The following SPATA13 variants were observed in gnomAD, a reference collection of about 807,000 sequenced individuals.
SPATA13 encodes the protein spermatogenesis associated 13.
Under a neutral mutation model 104.0 loss-of-function variants are expected in SPATA13, and 50 were observed. The ratio of observed to expected loss-of-function variants is 0.48; its 90% CI spans 0.38 to 0.61. SPATA13 has a LOEUF of 0.61. Among genes scored for constraint, SPATA13 ranks in the 20% least tolerant of loss-of-function variants. SPATA13 has a pLI of 0.00. For missense variants in SPATA13, 1,524 were observed against 1,690.6 expected (o/e 0.90, Z 1.73); for synonymous variants, 606 against 667.5 (o/e 0.91, Z 1.42).
chr13:24,043,228 G>A (rs1411192498), intron 3 of SPATA13, among the ~76,000 whole-genome samples: 3 of 152,174 alleles, frequency 2.0e-5, no homozygotes, highest in Non-Finnish European at 2.9e-5. Flanking sequence ...TTGGACATGC[G>A]TCTTGGCTAT....
chr13:24,119,109 A>G (rs1880952510), intron 3 of SPATA13, among the ~76,000 whole-genome samples: 2 of 151,942 alleles, frequency 1.3e-5, no homozygotes, highest in Admixed American at 6.6e-5. Context: ...AGGTTTTACC[A>G]TGTTAGCCAG....
At chr13:24,028,905 C>T (rs1045430878) in intron 3 of SPATA13, among the ~76,000 whole-genome samples, 2 of 151,890 alleles carry the variant, frequency 1.3e-5, no homozygotes, top group Non-Finnish European at 2.9e-5. Context: ...GCTTCAATTT[C>T]CCCTGTTTTT....
intron 3 of SPATA13, among the ~76,000 whole-genome samples, chr13:24,131,605 G>A (rs1881390993): frequency 6.6e-6 from 1 of 152,172 alleles, no homozygotes; most frequent in South Asian, 2.1e-4. Flanking sequence ...GAGAACAACA[G>A]AACCATGTAC....
chr13:24,264,075 T>A (rs1043378187), intron 4 of SPATA13, among the ~76,000 whole-genome samples: 1 of 152,242 alleles, frequency 6.6e-6, no homozygotes, highest in Non-Finnish European at 1.5e-5. Flanking sequence ...TTGTTGCCTA[T>A]CATCGAGATT....
chr13:24,212,793 C>T (rs2138591699), intron 1 of SPATA13, among the ~76,000 whole-genome samples: 1 of 152,360 alleles, frequency 6.6e-6, no homozygotes, highest in African/African-American at 2.4e-5. Context: ...GGCTCAGCCT[C>T]CTGAATCTTG....
intron 1 of SPATA13, among the ~76,000 whole-genome samples, chr13:24,202,747 A>G (rs1162462900): frequency 6.6e-6 from 1 of 151,870 alleles, no homozygotes; most frequent in Non-Finnish European, 1.5e-5. Context: ...TTTTGCATTT[A>G]TTATTTGAGA....
chr13:24,217,431 C>G (rs1871316238), intron 1 of SPATA13, among the ~76,000 whole-genome samples: 1 of 152,138 alleles, frequency 6.6e-6, no homozygotes, highest in Admixed American at 6.5e-5. Flanking sequence ...GGTATCAGAC[C>G]TGAGATGTGC....
At chr13:23,985,736 A>C (rs908640385) in intron 2 of SPATA13, among the ~76,000 whole-genome samples, 1 of 152,190 alleles carries the variant, frequency 6.6e-6, no homozygotes, top group African/African-American at 2.4e-5. Context: ...AGACTGCCTG[A>C]GTGTTCATTT....
At chr13:24,252,443 G>T (rs935704853) in intron 4 of SPATA13, among the ~76,000 whole-genome samples, 26 of 152,176 alleles carry the variant, frequency 1.7e-4, no homozygotes, top group African/African-American at 6.0e-4. Context: ...TCACACTCAT[G>T]GGTACTGGGG....
chr13:24,071,497 G>A (rs1423255799), intron 3 of SPATA13, among the ~76,000 whole-genome samples: 2 of 152,142 alleles, frequency 1.3e-5, no homozygotes, highest in Non-Finnish European at 1.5e-5. Context: ...GAAGGCCAAG[G>A]CTTAGAAATA....
intron 2 of SPATA13, among the ~76,000 whole-genome samples, chr13:24,237,235 T>A (rs1031655856): frequency 2.0e-5 from 3 of 152,078 alleles, no homozygotes; most frequent in African/African-American, 7.2e-5. Context: ...TGGGTGCCTG[T>A]AGTCCCAGCT....
intron 2 of SPATA13, among the ~76,000 whole-genome samples, chr13:24,245,535 T>C (rs1331220029): frequency 6.6e-6 from 1 of 151,668 alleles, no homozygotes; most frequent in Non-Finnish European, 1.5e-5. Flanking sequence ...TCTCCTTTTA[T>C]ATCTTCATTG....
chr13:24,029,952 A>T (rs1164616574), intron 3 of SPATA13, among the ~76,000 whole-genome samples: 1 of 152,084 alleles, frequency 6.6e-6, no homozygotes, highest in African/African-American at 2.4e-5. Flanking sequence ...AAAGGACATG[A>T]TCTAATTCTT....
intron 2 of SPATA13, among the ~76,000 whole-genome samples, chr13:24,236,863 T>C (rs985520684): frequency 1.2e-4 from 18 of 152,188 alleles, no homozygotes; most frequent in Admixed American, 9.8e-4. Flanking sequence ...ATAGAATTAC[T>C]GTATGATCCA....
Position 24,072,654 on chromosome 13 carries a change from C to T in SPATA13, c.-112+54953C>T, listed in dbSNP as rs566572687. Among the ~76,000 whole-genome samples, 4 of 152,226 alleles carry T rather than the reference C, an allele frequency of 2.6e-5. No individual in the cohort carries two copies. The East Asian group carries it at 7.7e-4, about 29-fold the overall frequency. On this transcript the variant is annotated intron_variant, in intron 3 of 14. Transcript: ENST00000424834. Reference sequence around the variant, plus strand: ...TGCCTTCTGGATTTCATTGAATCTGCCTTCTGGGCCATCACCAGTGACCTG... The same window carrying T: ...TGCCTTCTGGATTTCATTGAATCTGTCTTCTGGGCCATCACCAGTGACCTG...
At chr13:24,181,298 AT>A (rs1264209458) in intron 1 of SPATA13, among the ~76,000 whole-genome samples, 1 of 152,088 alleles carries the variant, frequency 6.6e-6, no homozygotes, top group Non-Finnish European at 1.5e-5. Context: ...CTCTAAATTT[AT>A]TGAAACTTTT....
At chr13:24,082,051 A>G (rs1238810602) in intron 3 of SPATA13, among the ~76,000 whole-genome samples, 1 of 152,188 alleles carries the variant, frequency 6.6e-6, no homozygotes, top group Non-Finnish European at 1.5e-5. Flanking sequence ...GCAGACTTAT[A>G]CTTCATTTTA....
chr13:24,143,867 A>G (rs1881843958), intron 3 of SPATA13, among the ~76,000 whole-genome samples: 6 of 152,214 alleles, frequency 3.9e-5, no homozygotes, highest in Admixed American at 1.3e-4. Context: ...CTCTGGCCAG[A>G]TGACCTTAGC....
Position 24,161,016 on chromosome 13 carries a change from A to T in SPATA13, c.-112+84A>T. ...AGAATATCGGGAGGATTTGAGTCCC[A>T]GTGGACTGCCTCGGGGCTTCGGGAT... On this transcript the variant is annotated intron_variant, in intron 1 of 12. Coordinates refer to ENST00000382108, the MANE Select transcript of SPATA13 (RefSeq NM_001166271.3). This position sits in a 1 kb window ranked among gnomAD's most constrained non-coding sequence, Gnocchi z 4.5. The T allele has an allele frequency of 1.2e-6, 1 of 828,230 alleles. No individual in the cohort carries two copies. The allele number at this position is 828,230 out of a possible 1,614,324, so 51.3% of individuals were successfully genotyped here.
Sources: gnomAD v4.1 joint callset for allele counts (sites outside exome capture counted in the v4.1 genomes callset) on GRCh38, gnomAD v4.1.1 for gene constraint, Gnocchi (gnomAD v3.1) non-coding constraint, MANE v1.5 for transcripts, NCBI Gene and HGNC (gene_info 2026-07-23, HGNC 2026-07-21) for gene names.